Variants in SLC23A2 observed in about 807,000 individuals in gnomAD.
SLC23A2 encodes solute carrier family 23 member 2.
SLC23A2 carries 36 observed loss-of-function variants against 73.3 expected under a neutral mutation model. The observed-to-expected ratio is 0.49, with a 90% CI of 0.38 to 0.65. The LOEUF is 0.65. Among genes scored for constraint, SLC23A2 ranks in the 30% least tolerant of loss-of-function variants. SLC23A2 has a pLI of 0.00. For missense variants in SLC23A2, 507 were observed against 841.6 expected (o/e 0.60, Z 4.92); for synonymous variants, 343 against 327.3 (o/e 1.05, Z -0.52).
chr20:4,966,193 T>C (rs764781962), intron 2 of SLC23A2, among the ~76,000 whole-genome samples: 5 of 152,118 alleles, frequency 3.3e-5, no homozygotes, highest in Non-Finnish European at 7.3e-5. Flanking sequence ...AACTGGTTCA[T>C]GTGCATTTTC....
chr20:4,935,668 G>C (rs1005178521), intron 2 of SLC23A2, among the ~76,000 whole-genome samples: 1 of 151,942 alleles, frequency 6.6e-6, no homozygotes, highest in Non-Finnish European at 1.5e-5. Flanking sequence ...GCGTGGTGGC[G>C]GGCGCCTGTA....
rs954699508 is a variant in SLC23A2 at position 4,947,540 on chromosome 20, CAT to C, written c.-154-14826_-154-14825del. On this transcript the variant is annotated intron_variant, in intron 2 of 16. Coordinates refer to ENST00000338244, the MANE Select transcript of SLC23A2 (RefSeq NM_005116.6). This position sits in a 1 kb window ranked among gnomAD's most constrained non-coding sequence, Gnocchi z 4.4. ...TGGAATTTTAACAACAAGATAAAAACATGTGCATAATGAACTATCAAGTCCCA... is the reference window on the plus strand; with the variant it reads ...TGGAATTTTAACAACAAGATAAAAACGTGCATAATGAACTATCAAGTCCCA... Among the ~76,000 whole-genome samples the C allele has an allele frequency of 1.1e-4, 17 of 152,296 alleles. No individual in the cohort carries two copies. In the South Asian group the frequency reaches 2.9e-3, roughly 26 times the overall value.
intron 2 of SLC23A2, among the ~76,000 whole-genome samples, chr20:4,959,566 C>T (rs1206494880): frequency 3.9e-5 from 6 of 152,238 alleles, no homozygotes; most frequent in South Asian, 4.1e-4. Flanking sequence ...AGTACAATCA[C>T]GGCTCACTGC....
intron 16 of SLC23A2, among the ~76,000 whole-genome samples, chr20:4,858,595 AAT>A (rs1217037895): frequency 6.6e-6 from 1 of 152,086 alleles, no homozygotes. Flanking sequence ...TGAGCCTAAG[AAT>A]AAGTATCACC....
chr20:4,960,531 C>T (rs913050708), intron 2 of SLC23A2, among the ~76,000 whole-genome samples: 14 of 152,188 alleles, frequency 9.2e-5, no homozygotes, highest in Non-Finnish European at 1.5e-4. Context: ...TTAAAATAAA[C>T]GAACTCTAGC....
chr20:4,987,006 A>G (rs1462067933), intron 1 of SLC23A2, among the ~76,000 whole-genome samples: 4 of 152,000 alleles, frequency 2.6e-5, no homozygotes, highest in African/African-American at 9.7e-5. Flanking sequence ...GGTGAAGTCT[A>G]CTGTAGATCA....
intron 1 of SLC23A2, among the ~76,000 whole-genome samples, chr20:4,973,180 T>C (rs572177349): frequency 6.6e-6 from 1 of 152,286 alleles, no homozygotes; most frequent in South Asian, 2.1e-4. Context: ...TGCTTTGAAG[T>C]GGTGGGGGGA....
chr20:4,991,489 C>T (rs920430516), intron 1 of SLC23A2, among the ~76,000 whole-genome samples: 1 of 151,748 alleles, frequency 6.6e-6, no homozygotes, highest in Non-Finnish European at 1.5e-5. Flanking sequence ...TTTGGGAGGC[C>T]GAGGCAGGTG....
intron 6 of SLC23A2, among the ~76,000 whole-genome samples, chr20:4,895,244 C>A (rs1317088636): frequency 6.6e-6 from 1 of 152,146 alleles, no homozygotes; most frequent in African/African-American, 2.4e-5. Context: ...AAAACACAAC[C>A]CAAAAAAGCC....
chr20:4,989,786 T>A (rs896141809), intron 1 of SLC23A2, among the ~76,000 whole-genome samples: 2 of 152,186 alleles, frequency 1.3e-5, no homozygotes, highest in African/African-American at 4.8e-5. Context: ...GTTTCCCATT[T>A]TAGATTTGGG....
rs1931762122 is a variant in SLC23A2, at chr20:4,902,034, C to T, written c.324+408G>A. Reference sequence around the variant, plus strand: ...CCCATTCATCATTTGTTTTTTGAGACAGGGTCTCACTATGTCAACCAGGCT... The same window carrying T: ...CCCATTCATCATTTGTTTTTTGAGATAGGGTCTCACTATGTCAACCAGGCT... On this transcript the variant is annotated intron_variant, in intron 5 of 16. Transcript: ENST00000338244. The surrounding 1 kb of genome is among the most constrained non-coding windows in gnomAD (Gnocchi z 4.0). 6.6e-6 allele frequency among the ~76,000 whole-genome samples: 1 copy of T among 152,128 alleles called. No homozygotes were observed. The highest frequency in any genetic ancestry group is 2.1e-4 in the South Asian group (1 of 4,824).
chr20:4,936,945 G>T (rs1345253725), intron 2 of SLC23A2, among the ~76,000 whole-genome samples: 1 of 152,160 alleles, frequency 6.6e-6, no homozygotes, highest in African/African-American at 2.4e-5. Flanking sequence ...AGGCGTCAGG[G>T]AAGAGGACTG....
intron 1 of SLC23A2, among the ~76,000 whole-genome samples, chr20:4,986,677 C>T (rs143446852): frequency 7.1e-6 from 1 of 141,730 alleles, no homozygotes; most frequent in African/African-American, 2.5e-5. Flanking sequence ...CACACACACA[C>T]ACACACACAC....
upstream of SLC23A2, among the ~76,000 whole-genome samples, chr20:5,001,722 CAG>C (rs2088131204): frequency 2.0e-5 from 3 of 151,930 alleles, no homozygotes; most frequent in African/African-American, 7.2e-5. Flanking sequence ...CTCCCCTGCG[CAG>C]AAAGATCGCC....
upstream of SLC23A2, among the ~76,000 whole-genome samples, chr20:5,003,392 A>G (rs2088155205): frequency 6.6e-6 from 1 of 152,152 alleles, no homozygotes; most frequent in Non-Finnish European, 1.5e-5. Flanking sequence ...TCAAAAACAA[A>G]ACAAAACAAA....
In SLC23A2 at chr20:4,899,934, G is replaced by A. The variant is rs1325154845; in HGVS notation, c.325-222C>T. ...TGCCCTCGACGGAGTGCAATGGTGC[G>A]ATCTTGGCTCACTGTGACCTCCACC... On this transcript the variant is annotated intron_variant, in intron 5 of 16. Coordinates refer to ENST00000338244, the MANE Select transcript of SLC23A2 (RefSeq NM_005116.6). This position sits in a 1 kb window ranked among gnomAD's most constrained non-coding sequence, Gnocchi z 4.9. Among the ~76,000 whole-genome samples, 2 of 152,114 alleles carry A rather than the reference G, an allele frequency of 1.3e-5. No homozygotes were observed. The highest frequency in any genetic ancestry group is 4.8e-5 in the African/African-American group (2 of 41,400).
chr20:4,972,688 C>A (rs1312954340), intron 1 of SLC23A2, among the ~76,000 whole-genome samples: 1 of 151,978 alleles, frequency 6.6e-6, no homozygotes, highest in Non-Finnish European at 1.5e-5. Flanking sequence ...CGGGTTCAAG[C>A]GATTCTCTTG....
chr20:5,003,580 G>A (rs893550647), upstream of SLC23A2, among the ~76,000 whole-genome samples: 1 of 151,706 alleles, frequency 6.6e-6, no homozygotes, highest in African/African-American at 2.4e-5. Context: ...GATTAGAAGG[G>A]AAGGGAAGTT....
At chr20:4,898,952 AG>A (rs1377681690) in intron 6 of SLC23A2, among the ~76,000 whole-genome samples, 14 of 152,188 alleles carry the variant, frequency 9.2e-5, no homozygotes, top group Non-Finnish European at 2.1e-4. Context: ...AGGCGGGTTG[AG>A]GGAAGACACA....
Sources: gnomAD v4.1 joint callset for allele counts (sites outside exome capture counted in the v4.1 genomes callset) on GRCh38, gnomAD v4.1.1 for gene constraint, Gnocchi (gnomAD v3.1) non-coding constraint, MANE v1.5 for transcripts, NCBI Gene and HGNC (gene_info 2026-07-23, HGNC 2026-07-21) for gene names.